The following KCNMB2 variants were observed in gnomAD, a reference collection of about 807,000 sequenced individuals.
KCNMB2 encodes the protein calcium-activated potassium channel subunit beta-2.
In KCNMB2, 9 loss-of-function variants were observed where a neutral mutation model predicts 24.5. The ratio of observed to expected loss-of-function variants is 0.37; its 90% confidence interval spans 0.22 to 0.64. KCNMB2 has a LOEUF of 0.64. Among genes scored for constraint, KCNMB2 ranks in the 30% least tolerant of loss-of-function variants. KCNMB2 has a pLI of 0.63. For synonymous variants in KCNMB2, 109 were observed against 104.4 expected (o/e 1.04, Z -0.27); for missense variants, 226 against 284.3 (o/e 0.79, Z 1.47).
Position 178,738,040 on chromosome 3 carries a change from G to A in KCNMB2, c.-67-69303G>A, listed in dbSNP as rs559549280. On this transcript the variant is annotated intron_variant, in intron 1 of 4. Coordinates refer to ENST00000452583, the MANE Select transcript of KCNMB2 (RefSeq NM_181361.3). The stretch of plus-strand genomic sequence containing the variant: ...ATCAGAAGGTATTGGTGTTTCTGTT[G>A]TCAAGAGAAAGTCAGTGTATTTGCT... 3.7e-4 allele frequency among the ~76,000 whole-genome samples: 57 copies of A among 152,190 alleles called. No individual in the cohort carries two copies. In the South Asian group the frequency reaches 7.3e-3, roughly 19 times the overall value.
chr3:178,661,977 G>A (rs1050766902), intron 1 of KCNMB2, among the ~76,000 whole-genome samples: 1 of 152,094 alleles, frequency 6.6e-6, no homozygotes, highest in Non-Finnish European at 1.5e-5. Flanking sequence ...GAAATTAGAT[G>A]AATCAAGGAG....
intron 1 of KCNMB2, among the ~76,000 whole-genome samples, chr3:178,781,819 T>C (rs1712858850): frequency 1.3e-5 from 2 of 151,376 alleles, no homozygotes; most frequent in South Asian, 2.1e-4. Flanking sequence ...CTTTAAGTTT[T>C]AGGGTACATG....
At chr3:178,544,760 T>C (rs917719069) in intron 1 of KCNMB2, among the ~76,000 whole-genome samples, 22 of 152,056 alleles carry the variant, frequency 1.4e-4, no homozygotes, top group Non-Finnish European at 2.5e-4. Context: ...CAAATCTATC[T>C]GATGAGAAAA....
At chr3:178,575,803 G>A (rs1031818986) in intron 1 of KCNMB2, among the ~76,000 whole-genome samples, 1 of 152,080 alleles carries the variant, frequency 6.6e-6, no homozygotes, top group Non-Finnish European at 1.5e-5. Flanking sequence ...GAACTTTATA[G>A]GGAAAAAATT....
chr3:178,550,945 G>C (rs901682409), intron 1 of KCNMB2, among the ~76,000 whole-genome samples: 3 of 152,202 alleles, frequency 2.0e-5, no homozygotes, highest in Admixed American at 2.0e-4. Flanking sequence ...AAATATTACA[G>C]AGAATTCAAA....
chr3:178,787,304 C>CAT (rs1484023514), intron 1 of KCNMB2, among the ~76,000 whole-genome samples: 1 of 152,038 alleles, frequency 6.6e-6, no homozygotes, highest in Non-Finnish European at 1.5e-5. Flanking sequence ...ACATGTATAT[C>CAT]ATATATATAT....
intron 1 of KCNMB2, among the ~76,000 whole-genome samples, chr3:178,792,872 C>T (rs1713380083): frequency 6.6e-6 from 1 of 152,212 alleles, no homozygotes; most frequent in Non-Finnish European, 1.5e-5. Context: ...GACGCCCTCT[C>T]AATAGTGCCT....
At chr3:178,778,343 T>C (rs1375745292) in intron 1 of KCNMB2, among the ~76,000 whole-genome samples, 1 of 152,044 alleles carries the variant, frequency 6.6e-6, no homozygotes, top group Non-Finnish European at 1.5e-5. Flanking sequence ...AAAAACAGGC[T>C]AAGACGGGCT....
intron 1 of KCNMB2, among the ~76,000 whole-genome samples, chr3:178,643,303 C>G (rs1459418856): frequency 6.6e-6 from 1 of 152,088 alleles, no homozygotes; most frequent in African/African-American, 2.4e-5. Flanking sequence ...AGTCACATGA[C>G]AGAGTCATGT....
chr3:178,787,474 T>C (rs1229385400), intron 1 of KCNMB2, among the ~76,000 whole-genome samples: 3 of 152,202 alleles, frequency 2.0e-5, no homozygotes. Context: ...TTATGAGGTA[T>C]ATACTGTTAT....
intron 1 of KCNMB2, among the ~76,000 whole-genome samples, chr3:178,704,088 T>C (rs1447699550): frequency 6.6e-6 from 1 of 152,138 alleles, no homozygotes. Context: ...GCATTAGAAA[T>C]TGACAAAGTC....
At chr3:178,654,812 T>A (rs1361411105) in intron 1 of KCNMB2, among the ~76,000 whole-genome samples, 1 of 152,186 alleles carries the variant, frequency 6.6e-6, no homozygotes, top group African/African-American at 2.4e-5. Flanking sequence ...AAAAATGGTA[T>A]CACATACTTG....
chr3:178,747,510 T>C lies in KCNMB2; in HGVS notation c.-67-59833T>C, dbSNP rs375593767. ...CACAACAATCTTATAATGAAAATTATCTCCATTTTACTATTTATTTACTAT... is the reference window on the plus strand; with the variant it reads ...CACAACAATCTTATAATGAAAATTACCTCCATTTTACTATTTATTTACTAT... On this transcript the variant is annotated intron_variant, in intron 1 of 4. Coordinates refer to ENST00000452583, the MANE Select transcript of KCNMB2 (RefSeq NM_181361.3). Among the ~76,000 whole-genome samples, 54 of 152,330 alleles carry C rather than the reference T, an allele frequency of 3.5e-4. 1 individual carries two copies. In the South Asian group the frequency reaches 0.011, roughly 31 times the overall value.
At chr3:178,615,717 A>T (rs1046900206) in intron 1 of KCNMB2, among the ~76,000 whole-genome samples, 4 of 152,130 alleles carry the variant, frequency 2.6e-5, no homozygotes, top group African/African-American at 9.7e-5. Context: ...GCCATACAAG[A>T]GTAAAATCCT....
At chr3:178,607,200 G>A (rs528671968) in intron 1 of KCNMB2, among the ~76,000 whole-genome samples, 2 of 152,294 alleles carry the variant, frequency 1.3e-5, no homozygotes, top group South Asian at 4.1e-4. Flanking sequence ...ACTTAATGGT[G>A]ATTCGGGTGT....
At chr3:178,612,773 T>C (rs1718528536) in intron 1 of KCNMB2, among the ~76,000 whole-genome samples, 1 of 152,112 alleles carries the variant, frequency 6.6e-6, no homozygotes, top group African/African-American at 2.4e-5. Flanking sequence ...AATCCTGTCA[T>C]TTTGTTATTT....
chr3:178,749,782 A>G (rs112964110), intron 1 of KCNMB2, among the ~76,000 whole-genome samples: 1 of 152,246 alleles, frequency 6.6e-6, no homozygotes, highest in African/African-American at 2.4e-5. Flanking sequence ...CAAGGGGTAA[A>G]TGGGGTGAAA....
intron 2 of KCNMB2, among the ~76,000 whole-genome samples, chr3:178,823,666 G>T (rs9814677): frequency 0.26 from 39,775 of 151,978 alleles, 7,032 homozygotes; most frequent in African/African-American, 0.51. Context: ...CAGCCCAGAA[G>T]GGATCAGCCA....
chr3:178,547,584 A>T (rs1560104910), intron 1 of KCNMB2, among the ~76,000 whole-genome samples: 1 of 152,144 alleles, frequency 6.6e-6, no homozygotes, highest in Non-Finnish European at 1.5e-5. Context: ...GTGTACATGT[A>T]TATTCTTGAA....
Sources: allele counts gnomAD v4.1 joint callset (sites outside exome capture counted in the v4.1 genomes callset), GRCh38; gene constraint gnomAD v4.1.1; transcripts MANE v1.5; gene names NCBI Gene and HGNC (gene_info 2026-07-23, HGNC 2026-07-21).